DACT2: variants seen among roughly 807,000 people sequenced by gnomAD.
DACT2 encodes dishevelled binding antagonist of beta catenin 2, also known as dapper homolog 2.
DACT2 carries 20 observed loss-of-function variants against 22.2 expected under a neutral mutation model. The observed-to-expected ratio is 0.90, with a 90% CI of 0.63 to 1.31. The LOEUF (loss-of-function observed/expected upper bound fraction) is 1.31, where lower values mean the gene tolerates loss of function less well. Ranked by LOEUF, DACT2 falls within the 50% of genes most tolerant of loss-of-function variation. The pLI, the probability that DACT2 is intolerant of heterozygous loss-of-function variation, is 0.00. For missense variants in DACT2, 1,048 were observed against 1,061.4 expected, an observed-to-expected ratio of 0.99 and a Z score of 0.18; for synonymous variants, 463 against 479.8, an observed-to-expected ratio of 0.96 and a Z score of 0.46.
In DACT2 at chr6:168,307,843, T is replaced by C; in HGVS notation, c.1914A>G (p.Arg638=). 6.5e-7 allele frequency: 1 copy of C among 1,537,592 alleles called. No individual in the cohort carries two copies. Among genetic ancestry groups the C allele is most frequent in the Non-Finnish European group, 8.7e-7 (1 of 1,144,896 alleles). The change falls in exon 4 of 4, where the codon AGA becomes AGG. Residue 638 remains arginine, a synonymous_variant. Transcript: ENST00000366795. This position sits in a 1 kb window ranked among gnomAD's most constrained non-coding sequence, Gnocchi z 5.3. ...NLGPPRPVAR[R]AGGPLARGRP... Reference sequence around the variant, plus strand: ...GGCCCCGGGCCAGTGGGCCACCTGCTCTCCTGGCCACGGGCCTGGGGGGCC... The same window carrying C: ...GGCCCCGGGCCAGTGGGCCACCTGCCCTCCTGGCCACGGGCCTGGGGGGCC...
chr6:168,311,608 T>TC (rs1779417832), intron 1 of DACT2, among the ~76,000 whole-genome samples: 22 of 37,894 alleles, frequency 5.8e-4, no homozygotes, highest in South Asian at 2.9e-3. Context: ...ACACACACAC[T>TC]CACACAAACA....
rs541840837 is a variant in DACT2 at position 168,308,387 on chromosome 6, C to A, written c.1370G>T (p.Arg457Leu). ...QQTPSAQDYG[R>L]GNIISPSRML... ...CCTGGATGGGGATATGATGTTGCCTCGTCCATAGTCCTGAGCTGAGGGTGT... is the reference window on the plus strand; with the variant it reads ...CCTGGATGGGGATATGATGTTGCCTAGTCCATAGTCCTGAGCTGAGGGTGT... The change falls in exon 4 of 4, where the codon CGA (arginine) becomes CTA (leucine). Residue 457 changes from arginine to leucine, a missense_variant. Physicochemically the swap from Arg to Leu is moderately radical, Grantham distance 102. Coordinates refer to ENST00000366795, the MANE Select transcript of DACT2 (RefSeq NM_214462.5). 1 of 1,551,854 alleles carries A rather than the reference C, an allele frequency of 6.4e-7. No homozygotes were observed.
At chr6:168,300,693 G>T (rs1239065354) in intron 3 of DACT2, 4 of 152,182 alleles carry the variant, frequency 2.6e-5, no homozygotes, top group African/African-American at 9.7e-5. Flanking sequence ...TCTGATTTCA[G>T]TAAGAACTCT....
chr6:168,311,583 TCC>T lies in DACT2; in HGVS notation c.247-301_247-300del, dbSNP rs367756915. Among the ~76,000 whole-genome samples, 399 of 39,248 alleles carry T rather than the reference TCC, an allele frequency of 0.01. 14 individuals are homozygous for T. The South Asian group carries it at 0.12, about 12-fold the overall frequency. The allele number at this position is 39,248 out of a possible 152,430, so 25.7% of individuals were successfully genotyped here. On this transcript the variant is annotated intron_variant, in intron 1 of 3. Coordinates refer to ENST00000366795, the MANE Select transcript of DACT2 (RefSeq NM_214462.5). ...ACTCACACACAAACACACACACCCA[TCC>T]ACACACACACATACACACACACTCA...
chr6:168,300,096 C>T (rs563660049), intron 3 of DACT2: 1 of 152,382 alleles, frequency 6.6e-6, no homozygotes, highest in Non-Finnish European at 1.5e-5. Context: ...GAGTGTTGTC[C>T]TAAGGCCAAT....
rs545288274 is a variant in DACT2 at position 168,296,555 on chromosome 6, C to T, written c.659-1851G>A. Among the ~76,000 whole-genome samples, 75 of 148,790 alleles carry T rather than the reference C, an allele frequency of 5.0e-4. 1 individual carries two copies. The highest frequency in any genetic ancestry group is 3.5e-3 in the Middle Eastern group (1 of 288). Reference sequence around the variant, plus strand: ...AAGATGCTCATGGAGGACAGGCACCCAGAATCAGGGAAAGAGTGGATCCAT... The same window carrying T: ...AAGATGCTCATGGAGGACAGGCACCTAGAATCAGGGAAAGAGTGGATCCAT... On this transcript the variant is annotated intron_variant, in intron 3 of 5. Transcript: ENST00000366796.
chr6:168,315,033 C>G (rs914717164), intron 1 of DACT2, among the ~76,000 whole-genome samples: 1 of 152,170 alleles, frequency 6.6e-6, no homozygotes, highest in Admixed American at 6.5e-5. Flanking sequence ...ACAGCCGGCC[C>G]AAGAAAAATG....
chr6:168,304,542 G>A (rs1443461045), downstream of DACT2, among the ~76,000 whole-genome samples: 4 of 152,192 alleles, frequency 2.6e-5, no homozygotes, highest in African/African-American at 7.2e-5. Context: ...GCATCTGCCC[G>A]CTCTTCCTGG....
At chr6:168,315,721 G>T (rs1023612565) in intron 1 of DACT2, among the ~76,000 whole-genome samples, 1 of 152,138 alleles carries the variant, frequency 6.6e-6, no homozygotes, top group Non-Finnish European at 1.5e-5. Flanking sequence ...GGTAACAATC[G>T]TTCTCACCTG....
chr6:168,310,531 G>A, intron 2 of DACT2, 85 bp from the exon 3 acceptor site: 1 of 1,493,694 alleles, frequency 6.7e-7, no homozygotes, highest in Non-Finnish European at 8.9e-7. Context: ...TCACGGCACA[G>A]GTGGGCCCAG....
At chr6:168,295,299 T>C (rs1384240520) in intron 3 of DACT2, among the ~76,000 whole-genome samples, 2 of 152,212 alleles carry the variant, frequency 1.3e-5, no homozygotes, top group Non-Finnish European at 2.9e-5. Context: ...AATTTTGACT[T>C]TGCTTTTGCT....
Position 168,308,795 on chromosome 6 carries a change from G to A in DACT2, c.962C>T (p.Pro321Leu), listed in dbSNP as rs570102629. Residue 321 changes from proline to leucine, a missense_variant, in exon 4 of 4, where the codon CCG becomes CTG. Physicochemically the swap from Pro to Leu is moderately conservative, Grantham distance 98. Coordinates refer to ENST00000366795, the MANE Select transcript of DACT2 (RefSeq NM_214462.5). Reference protein sequence around the residue: ...PAGLNTIQTGPVLEAGPARAR... With the variant: ...PAGLNTIQTGLVLEAGPARAR... ...CCTGGCCGGGCCAGCCTCGAGGACC[G>A]GCCCAGTCTGGATGGTGTTCAGACC... The A allele has an allele frequency of 3.4e-5, 53 of 1,551,416 alleles. No homozygotes were observed. In the East Asian group the frequency reaches 3.7e-4, roughly 11 times the overall value.
At chr6:168,296,466 ATGGAG>A (rs1562490085) in intron 3 of DACT2, among the ~76,000 whole-genome samples, 24 of 147,692 alleles carry the variant, frequency 1.6e-4, no homozygotes, top group African/African-American at 5.6e-4. Context: ...GGAGATGGTC[ATGGAG>A]GTCATGGAGG....
rs373009312 is a variant in DACT2 at position 168,294,017 on chromosome 6, C to T, written c.796-76G>A. 3.8e-5 allele frequency: 27 copies of T among 703,136 alleles called. 1 individual carries two copies. The highest frequency in any genetic ancestry group is 2.4e-4 in the African/African-American group (14 of 57,380). 43.6% of individuals were successfully genotyped at this position (703,136 alleles called of 1,614,324 possible). On this transcript the variant is annotated intron_variant, in intron 5 of 5. Transcript: ENST00000366796. ...GTCCATCCAACACGCACGTCTGCTA[C>T]TGCTCTTTGCCTCCCCGTCCCCACA... is the stretch of plus-strand genomic sequence containing the variant.
rs1291910728 is a variant in DACT2, at chr6:168,310,187, C to A, written c.639G>T (p.Trp213Cys). ...EDAGQPWGTF[W>C]PRPVSTGDLD... ...TCTTACCTGTAGACACAGGCCTGGG[C>A]CAGAATGTGCCCCACGGCTGGCCTG... The change falls in exon 3 of 4, where the codon TGG (tryptophan) becomes TGT (cysteine). Residue 213 changes from tryptophan to cysteine, a missense_variant. Transcript: ENST00000366795. The A allele has an allele frequency of 2.6e-6, 4 of 1,550,300 alleles. No individual in the cohort carries two copies. The highest frequency in any genetic ancestry group is 3.5e-6 in the Non-Finnish European group (4 of 1,146,884).
At chr6:168,298,033 C>T (rs1427161163) in intron 3 of DACT2, 1 of 152,168 alleles carries the variant, frequency 6.6e-6, no homozygotes, top group Non-Finnish European at 1.5e-5. Flanking sequence ...TGGTAATTGT[C>T]ACATATCCTG....
intron 1 of DACT2, among the ~76,000 whole-genome samples, chr6:168,318,082 C>T (rs977451870): frequency 1.4e-5 from 2 of 145,640 alleles, no homozygotes; most frequent in Admixed American, 1.4e-4. Flanking sequence ...TCAGCAGCAC[C>T]TCCCTTCCCA....
chr6:168,308,664 G>A lies in DACT2; in HGVS notation c.1093C>T (p.Pro365Ser), dbSNP rs1020120816. ...GPLRHAASPS[P>S]QRQGGWSTDG... ...GTACTCCAGCCACCCTGCCTCTGTG[G>A]AGATGGGGACGCTGCATGCCTTAGA... is the stretch of plus-strand genomic sequence containing the variant. The change falls in exon 4 of 4, where the codon CCA (proline) becomes TCA (serine). Residue 365 changes from proline to serine, a missense_variant. Coordinates refer to ENST00000366795, the MANE Select transcript of DACT2 (RefSeq NM_214462.5). 6 of 1,545,038 alleles carry A rather than the reference G, an allele frequency of 3.9e-6. No individual in the cohort carries two copies. The highest frequency in any genetic ancestry group is 5.2e-6 in the Non-Finnish European group (6 of 1,146,972).
chr6:168,304,429 CG>C (rs1195176563), downstream of DACT2, among the ~76,000 whole-genome samples: 3 of 152,244 alleles, frequency 2.0e-5, no homozygotes, highest in Non-Finnish European at 4.4e-5. Context: ...AGCACCCTGT[CG>C]TCAGCCCTCT....
Sources: gnomAD v4.1 joint callset for allele counts (sites outside exome capture counted in the v4.1 genomes callset) on GRCh38, gnomAD v4.1.1 for gene constraint, Gnocchi (gnomAD v3.1) non-coding constraint, MANE v1.5 for transcripts, NCBI Gene and HGNC (gene_info 2026-07-23, HGNC 2026-07-21) for gene names.